IL1RAPL1: variants seen among roughly 807,000 people sequenced by gnomAD.
The protein encoded by IL1RAPL1 is interleukin 1 receptor accessory protein like 1, also known as interleukin-1 receptor accessory protein-like 1.
In IL1RAPL1, 3 loss-of-function variants were observed where a neutral mutation model predicts 48.4. The ratio of observed to expected loss-of-function variants is 0.06; its 90% CI spans 0.03 to 0.16. The LOEUF is 0.16. Ranked by LOEUF, IL1RAPL1 falls within the 10% of genes least tolerant of loss-of-function variation. The pLI, the probability that IL1RAPL1 is intolerant of heterozygous loss-of-function variation, is 1.00. For synonymous variants in IL1RAPL1, 185 were observed against 187.7 expected, an observed-to-expected ratio of 0.99 and a Z score of 0.12; for missense variants, 349 against 530.6, an observed-to-expected ratio of 0.66 and a Z score of 3.36.
At position 29,692,223 on chromosome X, in the gene IL1RAPL1, C is replaced by T. The variant is rs139121820; in HGVS notation, c.778+23719C>T. 1.5e-3 allele frequency among the ~76,000 whole-genome samples: 164 copies of T among 111,994 alleles called. 2 individuals are homozygous for T. The East Asian group carries it at 0.042, about 28-fold the overall frequency. On this transcript the variant is annotated intron_variant, in intron 6 of 10. Transcript: ENST00000378993. ...TCAAAATCACATGCTGTACTAAGAA[C>T]GCATTTTTCTATTTTTTAAAATTGA... is the stretch of plus-strand genomic sequence containing the variant.
At chrX:28,943,600 A>T (rs1386514803) in intron 2 of IL1RAPL1, among the ~76,000 whole-genome samples, 1 of 109,648 alleles carries the variant, frequency 9.1e-6, no homozygotes, top group East Asian at 2.8e-4. Flanking sequence ...GTCATATTTT[A>T]AAACTCTTTA....
chrX:28,712,915 T>C (rs886327112), intron 1 of IL1RAPL1, among the ~76,000 whole-genome samples: 12 of 111,982 alleles, frequency 1.1e-4, no homozygotes, highest in African/African-American at 3.6e-4. Flanking sequence ...TGAGTAATTC[T>C]ACCTGTTTTT....
intron 5 of IL1RAPL1, among the ~76,000 whole-genome samples, chrX:29,554,464 A>G: frequency 9.0e-6 from 1 of 111,106 alleles, no homozygotes; most frequent in East Asian, 2.8e-4. Context: ...GGAAACTCGT[A>G]TTTTCTTTTT....
chrX:29,205,504 A>G (rs1040777514), intron 2 of IL1RAPL1, among the ~76,000 whole-genome samples: 2 of 110,637 alleles, frequency 1.8e-5, no homozygotes, highest in Non-Finnish European at 3.8e-5. Context: ...TTCTGGATTC[A>G]GAGTTCATGA....
At chrX:29,772,802 C>T (rs748587726) in intron 6 of IL1RAPL1, among the ~76,000 whole-genome samples, 17 of 111,337 alleles carry the variant, frequency 1.5e-4, no homozygotes, top group African/African-American at 3.3e-4. Flanking sequence ...TTTCCAACAG[C>T]GTTTACCATA....
chrX:29,727,751 T>G (rs1927811447), intron 6 of IL1RAPL1, among the ~76,000 whole-genome samples: 1 of 111,675 alleles, frequency 9.0e-6, no homozygotes, highest in Non-Finnish European at 1.9e-5. Context: ...GAAAGGCTTT[T>G]TACAAGCAAT....
intron 5 of IL1RAPL1, among the ~76,000 whole-genome samples, chrX:29,637,281 CAT>C (rs58166479): frequency 3.3e-3 from 324 of 98,822 alleles, no homozygotes; most frequent in African/African-American, 6.1e-3. Flanking sequence ...ATATATATAA[CAT>C]ATATATATAT....
At chrX:28,783,066 C>A (rs1267660067) in intron 1 of IL1RAPL1, among the ~76,000 whole-genome samples, 1 of 111,232 alleles carries the variant, frequency 9.0e-6, no homozygotes, top group Admixed American at 9.6e-5. Flanking sequence ...TCAAACCAAC[C>A]CTTTCCTTAC....
chrX:29,802,747 T>TTATATATACA (rs1929943058), intron 6 of IL1RAPL1, among the ~76,000 whole-genome samples: 1 of 36,282 alleles, frequency 2.8e-5, no homozygotes, highest in Non-Finnish European at 5.3e-5. Flanking sequence ...GAGGAAAAAA[T>TTATATATACA]TATATATATA....
At chrX:29,595,917 TG>T (rs1923533273) in intron 5 of IL1RAPL1, among the ~76,000 whole-genome samples, 1 of 111,841 alleles carries the variant, frequency 8.9e-6, no homozygotes, top group Admixed American at 9.5e-5. Flanking sequence ...TTGTATAAGC[TG>T]AAAGATGAGG....
chrX:28,970,293 C>T (rs917096073), intron 2 of IL1RAPL1, among the ~76,000 whole-genome samples: 1 of 112,472 alleles, frequency 8.9e-6, no homozygotes, highest in Non-Finnish European at 1.9e-5. Context: ...TGAGCCACTG[C>T]GCCCAGCCAA....
intron 2 of IL1RAPL1, among the ~76,000 whole-genome samples, chrX:29,197,630 A>G (rs1406199833): frequency 9.0e-6 from 1 of 111,011 alleles, no homozygotes; most frequent in Non-Finnish European, 1.9e-5. Context: ...GGCAATTTAG[A>G]CTGTTATTTA....
chrX:29,498,863 G>A (rs187443150), intron 5 of IL1RAPL1, among the ~76,000 whole-genome samples: 120 of 111,766 alleles, frequency 1.1e-3, no homozygotes, highest in African/African-American at 3.8e-3. Flanking sequence ...ATCATTAAAA[G>A]CCAACTGTTT....
At chrX:29,136,569 T>C (rs926497311) in intron 2 of IL1RAPL1, among the ~76,000 whole-genome samples, 1 of 111,311 alleles carries the variant, frequency 9.0e-6, no homozygotes, top group African/African-American at 3.3e-5. Flanking sequence ...TGATTGTAAC[T>C]CATTGCAACT....
chrX:28,868,946 C>G (rs1569189387), intron 2 of IL1RAPL1, among the ~76,000 whole-genome samples: 1 of 111,929 alleles, frequency 8.9e-6, no homozygotes, highest in Non-Finnish European at 1.9e-5. Context: ...TCTTCCTTGT[C>G]TTCATGATCC....
At chrX:28,940,163 C>T (rs981699222) in intron 2 of IL1RAPL1, among the ~76,000 whole-genome samples, 2 of 111,194 alleles carry the variant, frequency 1.8e-5, no homozygotes, top group African/African-American at 6.5e-5. Context: ...ATAGACATAC[C>T]TCTTATTACC....
intron 1 of IL1RAPL1, among the ~76,000 whole-genome samples, chrX:28,688,631 G>T (rs183076150): frequency 1.3e-4 from 14 of 111,804 alleles, no homozygotes; most frequent in African/African-American, 4.2e-4. Flanking sequence ...GTTTAGAGGG[G>T]CTCTGGGGCT....
chrX:29,204,591 C>T (rs769026010), intron 2 of IL1RAPL1, among the ~76,000 whole-genome samples: 4 of 111,627 alleles, frequency 3.6e-5, no homozygotes, highest in African/African-American at 1.3e-4. Context: ...CCTATACGCT[C>T]TTTGTCAAGT....
In IL1RAPL1 at chrX:29,624,194, G is replaced by A. The variant is rs1015169816; in HGVS notation, c.704-44236G>A. The stretch of plus-strand genomic sequence containing the variant: ...ACATTTTTGTTGTTGTTAATGCTTC[G>A]GATGGGCAGTTATTGTCTGAACATC... On this transcript the variant is annotated intron_variant, in intron 5 of 10. Transcript: ENST00000378993. Among the ~76,000 whole-genome samples the A allele has an allele frequency of 2.7e-5, 3 of 111,547 alleles. No homozygotes were observed. The Admixed American group carries it at 2.9e-4, about 11-fold the overall frequency.
Sources: gnomAD v4.1 joint callset for allele counts (sites outside exome capture counted in the v4.1 genomes callset) on GRCh38, gnomAD v4.1.1 for gene constraint, MANE v1.5 for transcripts, NCBI Gene and HGNC (gene_info 2026-07-23, HGNC 2026-07-21) for gene names.